The following SCEL variants were observed in gnomAD, a reference collection of about 807,000 sequenced individuals.
The protein encoded by SCEL is sciellin.
In SCEL, 113 loss-of-function variants were observed where a neutral mutation model predicts 117.6. The ratio of observed to expected loss-of-function variants is 0.96; its 90% CI spans 0.83 to 1.12. The LOEUF (loss-of-function observed/expected upper bound fraction) is 1.12. Among genes scored for constraint, SCEL ranks in the 50% most tolerant of loss-of-function variants. SCEL has a pLI of 0.00. For missense variants in SCEL, 785 were observed against 810.8 expected (o/e 0.97, Z 0.39); for synonymous variants, 270 against 256.2 (o/e 1.05, Z -0.51).
At chr13:77,564,134 C>A (rs1472151176) in intron 5 of SCEL, among the ~76,000 whole-genome samples, 12 of 150,264 alleles carry the variant, frequency 8.0e-5, no homozygotes, top group Non-Finnish European at 5.9e-5. Context: ...TTCTTAGAGA[C>A]ACTGATTTGA....
At chr13:77,571,213 C>T (rs2085593264) in intron 8 of SCEL, among the ~76,000 whole-genome samples, 1 of 150,392 alleles carries the variant, frequency 6.6e-6, no homozygotes, top group Middle Eastern at 3.4e-3. Context: ...GAGGCCGAGG[C>T]GGGTGGATCA....
intron 1 of SCEL, among the ~76,000 whole-genome samples, chr13:77,540,500 A>C (rs1278615132): frequency 1.3e-5 from 2 of 152,240 alleles, no homozygotes; most frequent in African/African-American, 2.4e-5. Flanking sequence ...GCAAGTGGCG[A>C]TGGTATCACA....
intron 9 of SCEL, among the ~76,000 whole-genome samples, chr13:77,572,871 G>A (rs757999598): frequency 2.4e-4 from 37 of 152,232 alleles, no homozygotes; most frequent in Non-Finnish European, 4.6e-4. Flanking sequence ...GGGCAGAGGG[G>A]ACACAACCCT....
intron 30 of SCEL, 35 bp from the exon 31 acceptor site, chr13:77,640,641 G>T: frequency 2.5e-6 from 3 of 1,180,412 alleles, no homozygotes; most frequent in South Asian, 2.8e-5. Context: ...TCTGTATTAT[G>T]GCAAATTTAT....
chr13:77,591,139 A>G (rs1220582945), intron 10 of SCEL, among the ~76,000 whole-genome samples: 1 of 152,158 alleles, frequency 6.6e-6, no homozygotes, highest in Non-Finnish European at 1.5e-5. Flanking sequence ...ACAAAAAACA[A>G]CATAAACATA....
intron 27 of SCEL, among the ~76,000 whole-genome samples, chr13:77,621,057 A>G (rs2089384546): frequency 6.6e-6 from 1 of 152,168 alleles, no homozygotes; most frequent in Non-Finnish European, 1.5e-5. Context: ...GTGGTCCAAG[A>G]CAGTTCATCA....
At chr13:77,577,481 C>T (rs1382356206) in intron 9 of SCEL, among the ~76,000 whole-genome samples, 1 of 152,082 alleles carries the variant, frequency 6.6e-6, no homozygotes, top group Non-Finnish European at 1.5e-5. Flanking sequence ...GGAAACTGCC[C>T]CCATGATCCA....
At chr13:77,551,101 G>A (rs527310066) in intron 1 of SCEL, among the ~76,000 whole-genome samples, 41 of 152,336 alleles carry the variant, frequency 2.7e-4, no homozygotes, top group African/African-American at 8.4e-4. Flanking sequence ...TGAGGAGGGC[G>A]TGGCTTGGTT....
At chr13:77,639,444 C>T (rs555297625) in intron 30 of SCEL, among the ~76,000 whole-genome samples, 99 of 152,240 alleles carry the variant, frequency 6.5e-4, no homozygotes, top group African/African-American at 2.3e-3. Flanking sequence ...CTCCTACTTA[C>T]TTTTCCTTTC....
At chr13:77,556,514 C>A in intron 2 of SCEL, 82 bp from the exon 3 acceptor site, 1 of 1,101,972 alleles carries the variant, frequency 9.1e-7, no homozygotes, top group South Asian at 1.3e-5. Flanking sequence ...ATCAGATGTG[C>A]CTCTCAGGAT....
intron 30 of SCEL, among the ~76,000 whole-genome samples, chr13:77,640,168 G>T (rs1231153187): frequency 6.6e-6 from 1 of 151,978 alleles, no homozygotes; most frequent in Non-Finnish European, 1.5e-5. Context: ...GGTGACTCTG[G>T]CCCCTACAGT....
chr13:77,596,070 C>T (rs1045113747), intron 12 of SCEL, among the ~76,000 whole-genome samples: 3 of 152,140 alleles, frequency 2.0e-5, no homozygotes, highest in Non-Finnish European at 4.4e-5. Flanking sequence ...TGGTGGCTCA[C>T]ACCTGTAATC....
chr13:77,636,658 C>A (rs2090291619), intron 29 of SCEL, among the ~76,000 whole-genome samples: 1 of 152,140 alleles, frequency 6.6e-6, no homozygotes, highest in Non-Finnish European at 1.5e-5. Flanking sequence ...CTAAATTATT[C>A]TTTCTTGGAT....
At position 77,618,069 on chromosome 13, in the gene SCEL, C is replaced by T; in HGVS notation, c.1628+9C>T. On this transcript the variant is annotated intron_variant, in intron 27 of 32. Transcript: ENST00000349847. Reference sequence around the variant, plus strand: ...CTTAGAAACACTAATCGGTAAATGACCTTGACTATCTTGACATGTTTACAA... The same window carrying T: ...CTTAGAAACACTAATCGGTAAATGATCTTGACTATCTTGACATGTTTACAA... The T allele has an allele frequency of 6.2e-7, 1 of 1,602,966 alleles. No individual in the cohort carries two copies. Among genetic ancestry groups the T allele is most frequent in the Non-Finnish European group, 8.5e-7 (1 of 1,169,916 alleles).
At chr13:77,636,127 A>G (rs2154406736) in intron 29 of SCEL, among the ~76,000 whole-genome samples, 1 of 152,320 alleles carries the variant, frequency 6.6e-6, no homozygotes, top group Middle Eastern at 3.4e-3. Context: ...AAGTTTCCTA[A>G]AATCTACATT....
At chr13:77,618,645 G>A (rs962163778) in intron 27 of SCEL, among the ~76,000 whole-genome samples, 6 of 152,044 alleles carry the variant, frequency 3.9e-5, no homozygotes, top group African/African-American at 1.2e-4. Context: ...GAAATCAATC[G>A]CACTATTTTG....
intron 4 of SCEL, 46 bp from the exon 5 acceptor site, chr13:77,563,784 TG>T: frequency 6.9e-7 from 1 of 1,445,812 alleles, no homozygotes; most frequent in Non-Finnish European, 9.5e-7. Flanking sequence ...ACTTTTTTTT[TG>T]TAATTGATTT....
At chr13:77,578,366 G>T (rs151283356) in intron 9 of SCEL, among the ~76,000 whole-genome samples, 196 of 152,008 alleles carry the variant, frequency 1.3e-3, no homozygotes, top group Middle Eastern at 0.01. Context: ...GGGGAGCAGG[G>T]ATCAGAGAAA....
In SCEL at chr13:77,609,943, T is replaced by G. The variant is rs2088514470; in HGVS notation, c.1278-104T>G. On this transcript the variant is annotated intron_variant, in intron 21 of 32. Transcript: ENST00000349847. ...CCTCTGAGATGATCTCTAATTTTAT[T>G]ATTTTAATAAATATTTTATAATAAA... is the stretch of plus-strand genomic sequence containing the variant. The G allele has an allele frequency of 6.8e-6, 4 of 592,096 alleles. No homozygotes were observed. In the East Asian group the frequency reaches 1.7e-4, roughly 25 times the overall value. The allele number at this position is 592,096 out of a possible 1,614,324, so 36.7% of individuals were successfully genotyped here. A position where few individuals can be genotyped will look rare whatever the true frequency, so the allele number is the denominator to read the frequency against.
Sources: gnomAD v4.1 joint callset for allele counts (sites outside exome capture counted in the v4.1 genomes callset) on GRCh38, gnomAD v4.1.1 for gene constraint, MANE v1.5 for transcripts, NCBI Gene and HGNC (gene_info 2026-07-23, HGNC 2026-07-21) for gene names.